PRIM2: variants seen among roughly 807,000 people sequenced by gnomAD.
PRIM2 encodes DNA primase large subunit.
Under a neutral mutation model 67.3 loss-of-function variants are expected in PRIM2, and 39 were observed. The ratio of observed to expected loss-of-function variants is 0.58; its 90% CI spans 0.45 to 0.76. PRIM2 has a LOEUF of 0.76. Ranked by LOEUF, PRIM2 falls within the 30% of genes least tolerant of loss-of-function variation. The probability of loss-of-function intolerance (pLI) is 0.00; values close to 1 mark genes in which losing one functional copy is unlikely to be tolerated. For synonymous variants in PRIM2, 143 were observed against 198.7 expected (o/e 0.72, Z 2.36); for missense variants, 398 against 598.7 (o/e 0.66, Z 3.50).
the PRIM2 span, among the ~76,000 whole-genome samples, chr6:57,283,776 T>C: frequency 0.2 from 30,717 of 152,052 alleles, 3,540 homozygotes; most frequent in African/African-American, 0.31. Flanking sequence ...TTTATTGCCA[T>C]GAATCCTGTC....
chr6:57,407,666 G>A (rs1179245351), intron 7 of PRIM2, among the ~76,000 whole-genome samples: 2 of 152,196 alleles, frequency 1.3e-5, no homozygotes, highest in Non-Finnish European at 2.9e-5. Context: ...ATGGGGTGAA[G>A]AGCAGGGAGA....
chr6:57,341,228 G>A (rs1768475965), intron 5 of PRIM2, among the ~76,000 whole-genome samples: 1 of 152,120 alleles, frequency 6.6e-6, no homozygotes, highest in Admixed American at 6.6e-5. Flanking sequence ...TCTCAGTGGG[G>A]GGATAGGATG....
chr6:57,234,584 C>G, the PRIM2 span, among the ~76,000 whole-genome samples: 1 of 151,894 alleles, frequency 6.6e-6, no homozygotes, highest in African/African-American at 2.4e-5. Context: ...AGTGCAGTGG[C>G]GCAATCTTGG....
intron 3 of PRIM2, among the ~76,000 whole-genome samples, chr6:57,321,018 A>G (rs1340408271): frequency 6.6e-6 from 1 of 152,126 alleles, no homozygotes; most frequent in Non-Finnish European, 1.5e-5. Flanking sequence ...ATGTTGACAG[A>G]TGTGATTAGA....
At chr6:57,603,891 C>G (rs1482781352) in intron 11 of PRIM2, among the ~76,000 whole-genome samples, 1 of 152,042 alleles carries the variant, frequency 6.6e-6, no homozygotes, top group Non-Finnish European at 1.5e-5. Flanking sequence ...AGAGATCTTT[C>G]ACTTCCTTGC....
intron 7 of PRIM2, among the ~76,000 whole-genome samples, chr6:57,393,138 C>T (rs1581858314): frequency 6.7e-6 from 1 of 148,976 alleles, no homozygotes; most frequent in African/African-American, 2.6e-5. Context: ...ATACCTTTTT[C>T]GAATAATGAC....
intron 7 of PRIM2, among the ~76,000 whole-genome samples, chr6:57,481,838 T>C (rs1283368952): frequency 4.7e-4 from 71 of 152,342 alleles, no homozygotes; most frequent in African/African-American, 1.7e-3. Flanking sequence ...TGCCTTTTCC[T>C]AATGGCTAAT....
chr6:57,520,749 G>A (rs1341766143), intron 8 of PRIM2, among the ~76,000 whole-genome samples: 1 of 152,130 alleles, frequency 6.6e-6, no homozygotes, highest in African/African-American at 2.4e-5. Flanking sequence ...AAAATGAGAT[G>A]CAACTTTCAC....
intron 5 of PRIM2, among the ~76,000 whole-genome samples, chr6:57,372,812 C>T (rs1013179321): frequency 5.9e-5 from 9 of 152,196 alleles, no homozygotes; most frequent in Non-Finnish European, 7.3e-5. Flanking sequence ...GCATAGTATT[C>T]CGTGGTGTAT....
intron 10 of PRIM2, among the ~76,000 whole-genome samples, chr6:57,580,711 C>T (rs1169406500): frequency 0.16 from 24,447 of 152,024 alleles, 2,150 homozygotes; most frequent in Non-Finnish European, 0.21. Flanking sequence ...GGTTTTATAA[C>T]CTGCTTTAGG....
chr6:57,562,726 G>T (rs1357254046), intron 10 of PRIM2, among the ~76,000 whole-genome samples: 87 of 152,228 alleles, frequency 5.7e-4, no homozygotes, highest in Non-Finnish European at 1.0e-3. Context: ...CTCAGATAAT[G>T]GCAATCTCAT....
intron 8 of PRIM2, among the ~76,000 whole-genome samples, chr6:57,508,226 C>T (rs1554347394): frequency 3.3e-5 from 5 of 152,230 alleles, no homozygotes; most frequent in Admixed American, 6.5e-5. Flanking sequence ...CATAAGCCAC[C>T]GCACCCTGCC....
rs1302596626 is a variant in PRIM2 at position 57,433,860 on chromosome 6, T to C, written c.693+51692T>C. Among the ~76,000 whole-genome samples, 6 of 152,254 alleles carry C rather than the reference T, an allele frequency of 3.9e-5. No homozygotes were observed. The East Asian group carries it at 9.6e-4, about 24-fold the overall frequency. On this transcript the variant is annotated intron_variant, in intron 7 of 13. Coordinates refer to ENST00000615550, the MANE Select transcript of PRIM2 (RefSeq NM_000947.5). Reference sequence around the variant, plus strand: ...CATTATGTGGCATATCTAGAAAGACTTGGGTTTGAATCCTGCTTTCTCCAC... The same window carrying C: ...CATTATGTGGCATATCTAGAAAGACCTGGGTTTGAATCCTGCTTTCTCCAC...
At chr6:57,542,196 G>A (rs1775174935) in intron 10 of PRIM2, among the ~76,000 whole-genome samples, 1 of 152,088 alleles carries the variant, frequency 6.6e-6, no homozygotes, top group Admixed American at 6.5e-5. Flanking sequence ...GGCTAGTCTC[G>A]AACTCCTGAC....
the PRIM2 span, among the ~76,000 whole-genome samples, chr6:57,308,922 GT>G: frequency 1.3e-5 from 2 of 149,876 alleles, no homozygotes; most frequent in Non-Finnish European, 3.0e-5. Flanking sequence ...AGAATGTGCA[GT>G]TTTTTTGTTT....
rs1441551231 is a variant in PRIM2, at chr6:57,475,016, A to G, written c.694-32371A>G. 3.9e-5 allele frequency among the ~76,000 whole-genome samples: 6 copies of G among 152,070 alleles called. No homozygotes were observed. In the South Asian group the frequency reaches 8.3e-4, roughly 21 times the overall value. On this transcript the variant is annotated intron_variant, in intron 7 of 13. Transcript: ENST00000615550. ...CAATCGGCTGCTCTGGGCATCGTTT[A>G]TTTGCGTGCAGTGGAATAGGCACTG...
chr6:57,416,811 T>C (rs13207545), intron 7 of PRIM2, among the ~76,000 whole-genome samples: 2 of 152,144 alleles, frequency 1.3e-5, no homozygotes, highest in African/African-American at 4.8e-5. Context: ...ACTTTTCTTC[T>C]GCAGCTTCCC....
chr6:57,372,579 C>T (rs991853328), intron 5 of PRIM2, among the ~76,000 whole-genome samples: 1 of 152,032 alleles, frequency 6.6e-6, no homozygotes, highest in African/African-American at 2.4e-5. Context: ...GGTATTAAGC[C>T]CAGCATCTGA....
intron 7 of PRIM2, among the ~76,000 whole-genome samples, chr6:57,410,387 T>C (rs1206422428): frequency 2.0e-5 from 3 of 151,328 alleles, no homozygotes; most frequent in African/African-American, 7.3e-5. Context: ...TTCTTTTTCA[T>C]TGGATTCCCC....
Sources: allele counts gnomAD v4.1 joint callset (sites outside exome capture counted in the v4.1 genomes callset), GRCh38; gene constraint gnomAD v4.1.1; transcripts MANE v1.5; gene names NCBI Gene and HGNC (gene_info 2026-07-23, HGNC 2026-07-21).